The following TCF3 variants were observed in gnomAD, a reference collection of about 807,000 sequenced individuals.
TCF3 encodes the protein transcription factor 3.
A neutral mutation model predicts 72.3 loss-of-function variants in TCF3; 54 were observed. That is an observed-to-expected ratio of 0.75 (90% CI 0.60 to 0.94). TCF3 has a LOEUF of 0.94. Ranked by LOEUF, TCF3 falls within the 40% of genes least tolerant of loss-of-function variation. The probability of loss-of-function intolerance (pLI) is 0.00; values close to 1 mark genes in which losing one functional copy is unlikely to be tolerated. For missense variants in TCF3, 1,078 were observed against 934.4 expected (o/e 1.15, Z -2.00); for synonymous variants, 525 against 412.6 (o/e 1.27, Z -3.30).
At chr19:1,639,029 C>A (rs571167732) in intron 3 of TCF3, among the ~76,000 whole-genome samples, 1 of 152,182 alleles carries the variant, frequency 6.6e-6, no homozygotes, top group African/African-American at 2.4e-5. Context: ...ACCTTCATAT[C>A]GAAGTTTCAA....
rs575036282 is a variant in TCF3, at chr19:1,616,109, T to C, written c.1451-288A>G. On this transcript the variant is annotated intron_variant, in intron 16 of 18. Transcript: ENST00000262965. ...ACTCAATGGCAGGAATCTACTAAGA[T>C]GCTAAAAGAACACTCTTCTTTTTTG... Among the ~76,000 whole-genome samples, 4 of 152,312 alleles carry C rather than the reference T, an allele frequency of 2.6e-5. No individual in the cohort carries two copies. The East Asian group carries it at 7.7e-4, about 29-fold the overall frequency.
At chr19:1,640,144 T>C (rs1477608734) in intron 3 of TCF3, among the ~76,000 whole-genome samples, 1 of 152,056 alleles carries the variant, frequency 6.6e-6, no homozygotes, top group Non-Finnish European at 1.5e-5. Flanking sequence ...CTCCAAACGT[T>C]ATCAAAGAGC....
intron 3 of TCF3, among the ~76,000 whole-genome samples, chr19:1,642,197 CGCAGACACGCACACACGCGCAG>C (rs2065382178): frequency 8.7e-6 from 1 of 115,570 alleles, no homozygotes; most frequent in Non-Finnish European, 2.0e-5. Flanking sequence ...CAGACACAGA[CGCAGACACGCACACACGCGCAG>C]ACGCACAGAC....
rs1302173832 is a variant in TCF3, at chr19:1,619,811, G to A, written c.1136C>T (p.Ser379Leu). The part of the protein sequence containing the change: ...WPRAGAPGAL[S>L]PSYDGGLHGL... ...GTGGAGACCCCCGTCGTAGCTGGGCGATAAGGCACCGGGGGCTCCTGCTCG... is the reference window on the plus strand; with the variant it reads ...GTGGAGACCCCCGTCGTAGCTGGGCAATAAGGCACCGGGGGCTCCTGCTCG... Residue 379 changes from serine to leucine, a missense_variant, in exon 14 of 19, where the codon TCG (serine) becomes TTG (leucine). Coordinates refer to ENST00000262965, the MANE Select transcript of TCF3 (RefSeq NM_003200.5). 2.5e-6 allele frequency: 4 copies of A among 1,572,374 alleles called. No homozygotes were observed. The South Asian group carries it at 3.5e-5, about 14-fold the overall frequency.
chr19:1,647,838 C>A (rs1600161293), intron 2 of TCF3, among the ~76,000 whole-genome samples: 1 of 152,248 alleles, frequency 6.6e-6, no homozygotes, highest in African/African-American at 2.4e-5. Context: ...CCCCGCACCC[C>A]TTGGAGCATC....
At chr19:1,640,961 C>A (rs2065150692) in intron 3 of TCF3, among the ~76,000 whole-genome samples, 1 of 152,034 alleles carries the variant, frequency 6.6e-6, no homozygotes, top group South Asian at 2.1e-4. Flanking sequence ...CCAGCCTGGC[C>A]AACGTGGCGA....
intron 3 of TCF3, among the ~76,000 whole-genome samples, chr19:1,645,012 G>A (rs932537189): frequency 2.0e-5 from 3 of 152,140 alleles, no homozygotes; most frequent in Non-Finnish European, 4.4e-5. Flanking sequence ...CACGCCTCAG[G>A]GAGCATATTC....
rs199682849 is a variant in TCF3 at position 1,615,717 on chromosome 19, T to C, written c.1555A>G (p.Lys519Glu). The change falls in exon 17 of 19, where the codon AAG (lysine) becomes GAG (glutamate). Residue 519 changes from lysine to glutamate, a missense_variant. Coordinates refer to ENST00000262965, the MANE Select transcript of TCF3 (RefSeq NM_003200.5). This position sits in a 1 kb window ranked among gnomAD's most constrained non-coding sequence, Gnocchi z 7.3. ...CGGGCCCGGGGGGCCTTCAGCTCCTTCTTCTCCTCCTCCGAGTGGTCAGCC... is the reference window on the plus strand; with the variant it reads ...CGGGCCCGGGGGGCCTTCAGCTCCTCCTTCTCCTCCTCCGAGTGGTCAGCC... ...SAADHSEEEK[K>E]ELKAPRARTS... 201 of 1,613,312 alleles carry C rather than the reference T, an allele frequency of 1.2e-4. No individual in the cohort carries two copies. In the Middle Eastern group the frequency reaches 1.3e-3, roughly 11 times the overall value.
Position 1,621,155 on chromosome 19 carries a change from G to A in TCF3, c.992C>T (p.Ala331Val). The A allele has an allele frequency of 6.5e-7, 1 of 1,540,138 alleles. No homozygotes were observed. Among genetic ancestry groups the A allele is most frequent in the Non-Finnish European group, 8.7e-7 (1 of 1,145,802 alleles). ...RGTTAGSSGD[A>V]LGKALASIYS... ...CACCGAGGCCAGTGCTTTGCCGAGGGCATCCCCGGAGCTGCCAGCTGTGGT... is the reference window on the plus strand; with the variant it reads ...CACCGAGGCCAGTGCTTTGCCGAGGACATCCCCGGAGCTGCCAGCTGTGGT... Residue 331 changes from alanine (A) to valine (V), a missense_variant, in exon 12 of 19, where the codon GCC becomes GTC. Ala to Val is a moderately conservative substitution (Grantham distance 64). Coordinates refer to ENST00000262965, the MANE Select transcript of TCF3 (RefSeq NM_003200.5).
At chr19:1,651,823 C>A in intron 1 of TCF3, among the ~76,000 whole-genome samples, 1 of 149,176 alleles carries the variant, frequency 6.7e-6, no homozygotes, top group East Asian at 2.0e-4. Flanking sequence ...CGCCCGGCCC[C>A]GACCAGCGCC....
chr19:1,619,568 C>T (rs1261786131), intron 14 of TCF3, 94 bp from the exon 15 acceptor site: 1 of 1,460,054 alleles, frequency 6.8e-7, no homozygotes, highest in Non-Finnish European at 9.1e-7. Context: ...GGCCGGTGGT[C>T]CCATCTTCCC....
rs1318962354 is a variant in TCF3, at chr19:1,611,001, A to G, written c.*706T>C. 1 of 228,114 alleles carries G rather than the reference A, an allele frequency of 4.4e-6. No individual in the cohort carries two copies. Among genetic ancestry groups the G allele is most frequent in the East Asian group, 6.2e-5 (1 of 16,052 alleles). 14.1% of individuals were successfully genotyped at this position (228,114 alleles called of 1,614,324 possible). A position where few individuals can be genotyped will look rare whatever the true frequency, so the allele number is the denominator to read the frequency against. ...CAACGTTTAATCATCTGGTTGATCAAGAAATGCAATGCTCAGTCTAGGAAC... is the reference window on the plus strand; with the variant it reads ...CAACGTTTAATCATCTGGTTGATCAGGAAATGCAATGCTCAGTCTAGGAAC... On this transcript the variant is annotated 3_prime_UTR_variant, in exon 19 of 19. Coordinates refer to ENST00000262965, the MANE Select transcript of TCF3 (RefSeq NM_003200.5).
At position 1,614,963 on chromosome 19, in the gene TCF3, C is replaced by T. The variant is rs1707693039; in HGVS notation, c.1822+322G>A. Among the ~76,000 whole-genome samples, 1 of 152,112 alleles carries T rather than the reference C, an allele frequency of 6.6e-6. No homozygotes were observed. Among genetic ancestry groups the T allele is most frequent in the South Asian group, 2.1e-4 (1 of 4,832 alleles). On this transcript the variant is annotated intron_variant, in intron 18 of 18. Transcript: ENST00000262965. This position sits in a 1 kb window ranked among gnomAD's most constrained non-coding sequence, Gnocchi z 5.6. ...TTCTGGGCTTCCCAAGAAAGGAGGACCACGGCGAGTGGGAGCCCCGTGGAG... is the reference window on the plus strand; with the variant it reads ...TTCTGGGCTTCCCAAGAAAGGAGGATCACGGCGAGTGGGAGCCCCGTGGAG...
intron 3 of TCF3, among the ~76,000 whole-genome samples, chr19:1,636,718 T>C (rs546094927): frequency 6.6e-6 from 1 of 152,274 alleles, no homozygotes; most frequent in South Asian, 2.1e-4. Context: ...CCGCAGGCTG[T>C]GTAGCACATG....
intron 5 of TCF3, among the ~76,000 whole-genome samples, chr19:1,630,185 G>C (rs565480470): frequency 6.6e-6 from 1 of 152,146 alleles, no homozygotes; most frequent in Non-Finnish European, 1.5e-5. Flanking sequence ...GGGGGTATGA[G>C]GAAGAGGCTG....
Position 1,646,465 on chromosome 19 carries a change from G to A in TCF3, c.73-38C>T, listed in dbSNP as rs200460330. On this transcript the variant is annotated intron_variant, in intron 2 of 18. Coordinates refer to ENST00000262965, the MANE Select transcript of TCF3 (RefSeq NM_003200.5). ...GAGGGGAGACGTGAGCGGGGCGGGT[G>A]GCAAACCAAACCCTACAGTCCCGGG... 4.6e-6 allele frequency: 7 copies of A among 1,536,248 alleles called. No individual in the cohort carries two copies. In the African/African-American group the frequency reaches 8.2e-5, roughly 18 times the overall value.
At chr19:1,640,441 G>T (rs1042178656) in intron 3 of TCF3, among the ~76,000 whole-genome samples, 1 of 151,992 alleles carries the variant, frequency 6.6e-6, no homozygotes, top group East Asian at 1.9e-4. Context: ...AGTAAAATAC[G>T]GTAATAATTA....
At chr19:1,632,968 G>A (rs2063892960) in intron 3 of TCF3, among the ~76,000 whole-genome samples, 1 of 152,218 alleles carries the variant, frequency 6.6e-6, no homozygotes, top group African/African-American at 2.4e-5. Context: ...GCAGGAGGCT[G>A]GCAGCCCGTG....
chr19:1,642,221 C>T (rs1024927903), intron 3 of TCF3, among the ~76,000 whole-genome samples: 22 of 151,568 alleles, frequency 1.5e-4, no homozygotes, highest in Admixed American at 7.9e-4. Flanking sequence ...CACGCGCAGA[C>T]GCACAGACAC....
Sources: allele counts gnomAD v4.1 joint callset (sites outside exome capture counted in the v4.1 genomes callset), GRCh38; gene constraint gnomAD v4.1.1; non-coding constraint Gnocchi (gnomAD v3.1); transcripts MANE v1.5; gene names NCBI Gene and HGNC (gene_info 2026-07-23, HGNC 2026-07-21).